The following CEACAM20 variants were observed in gnomAD, a reference collection of about 807,000 sequenced individuals.
CEACAM20 encodes the protein CEA cell adhesion molecule 20.
Under a neutral mutation model 61.2 loss-of-function variants are expected in CEACAM20, and 50 were observed. That is an observed-to-expected ratio of 0.82 (90% CI 0.65 to 1.03). The LOEUF is 1.03. Among genes scored for constraint, CEACAM20 ranks in the 50% least tolerant of loss-of-function variants. CEACAM20 has a pLI of 0.00. For synonymous variants in CEACAM20, 282 were observed against 287.7 expected, an observed-to-expected ratio of 0.98 and a Z score of 0.20; for missense variants, 683 against 736.4, an observed-to-expected ratio of 0.93 and a Z score of 0.84.
Position 44,523,966 on chromosome 19 carries a change from G to A in CEACAM20, c.472+20C>T, listed in dbSNP as rs1971446145. On this transcript the variant is annotated intron_variant, in intron 3 of 11. Transcript: ENST00000614924. ...AAGTGAGTGTCAGTGAGGGGTTGGA[G>A]AGAATGGAAAGGGACTCACACTTCA... is the stretch of plus-strand genomic sequence containing the variant. 7 of 1,541,044 alleles carry A rather than the reference G, an allele frequency of 4.5e-6. No homozygotes were observed. Among genetic ancestry groups the A allele is most frequent in the Middle Eastern group, 1.7e-4 (1 of 5,802 alleles).
intron 11 of CEACAM20, among the ~76,000 whole-genome samples, chr19:44,508,543 C>A (rs537832430): frequency 4.6e-5 from 7 of 152,150 alleles, no homozygotes; most frequent in Non-Finnish European, 8.8e-5. Flanking sequence ...GTGCCTGCCA[C>A]CATGCCCAGC....
At chr19:44,512,838 C>CCAGG in intron 8 of CEACAM20, 30 bp downstream of exon 8, 2 of 1,587,538 alleles carry the variant, frequency 1.3e-6, no homozygotes, top group Non-Finnish European at 1.7e-6. Flanking sequence ...CACCCCTGCC[C>CCAGG]CAGGCATCAG....
intron 6 of CEACAM20, among the ~76,000 whole-genome samples, chr19:44,516,238 G>A (rs1174556448): frequency 1.3e-5 from 2 of 152,112 alleles, no homozygotes; most frequent in Non-Finnish European, 1.5e-5. Flanking sequence ...CATCATTTCC[G>A]ATTCCCCATA....
intron 3 of CEACAM20, 87 bp from the exon 4 acceptor site, chr19:44,522,999 T>C (rs905785519): frequency 4.4e-6 from 5 of 1,139,554 alleles, no homozygotes; most frequent in Non-Finnish European, 6.3e-6. Flanking sequence ...ATAAATACTT[T>C]ATTTCCCTCC....
At chr19:44,527,672 A>T (rs149050801) in intron 1 of CEACAM20, among the ~76,000 whole-genome samples, 176 of 152,206 alleles carry the variant, frequency 1.2e-3, no homozygotes, top group Non-Finnish European at 2.0e-3. Flanking sequence ...CTCACTGTGG[A>T]TGCGGCTGAT....
chr19:44,523,026 A>G, intron 3 of CEACAM20, 114 bp from the exon 4 acceptor site: 1 of 905,746 alleles, frequency 1.1e-6, no homozygotes, highest in Non-Finnish European at 1.7e-6. Flanking sequence ...CTCAAAGGCT[A>G]GATCAATTGC....
rs796336983 is a variant in CEACAM20, at chr19:44,526,891, C to A, written c.53-1647G>T. Among the ~76,000 whole-genome samples, 683 of 144,150 alleles carry A rather than the reference C, an allele frequency of 4.7e-3. 3 individuals are homozygous for A. Among genetic ancestry groups the A allele is most frequent in the African/African-American group, 0.013 (500 of 37,890 alleles). 94.6% of individuals were successfully genotyped at this position (144,150 alleles called of 152,430 possible). A position where few individuals can be genotyped will look rare whatever the true frequency, so the allele number is the denominator to read the frequency against. ...CTTGTCTCAAAAACAAACAAACAAA[C>A]AAAAAAAAAACACGAGACTTTGCTG... On this transcript the variant is annotated intron_variant, in intron 1 of 11. Transcript: ENST00000614924.
At chr19:44,527,321 G>A (rs1331413424) in intron 1 of CEACAM20, among the ~76,000 whole-genome samples, 1 of 152,180 alleles carries the variant, frequency 6.6e-6, no homozygotes, top group African/African-American at 2.4e-5. Flanking sequence ...TCTTGTGTCT[G>A]TGGTTTCTCT....
At position 44,520,610 on chromosome 19, in the gene CEACAM20, C is replaced by T; in HGVS notation, c.894G>A (p.Glu298=). 1 of 1,613,990 alleles carries T rather than the reference C, an allele frequency of 6.2e-7. No homozygotes were observed. The highest frequency in any genetic ancestry group is 1.1e-5 in the South Asian group (1 of 91,078). Residue 298 remains glutamate, a synonymous_variant, in exon 5 of 12, where the codon GAG becomes GAA. Coordinates refer to ENST00000614924, the MANE Select transcript of CEACAM20 (RefSeq NM_001102597.3). ...FLSGQPLLPS[E]HLQLSADNRT... ...TGTTGTCAGCTGACAGCTGCAGGTG[C>T]TCACTGGGCAGGAGGGGCTGGCCAC...
At chr19:44,514,466 T>G (rs922461501) in intron 6 of CEACAM20, among the ~76,000 whole-genome samples, 1 of 151,610 alleles carries the variant, frequency 6.6e-6, no homozygotes, top group African/African-American at 2.4e-5. Flanking sequence ...TTTTTTTTTT[T>G]GAGATGGAGT....
At chr19:44,522,517 A>T in intron 4 of CEACAM20, 117 bp downstream of exon 4, 1 of 1,087,806 alleles carries the variant, frequency 9.2e-7, no homozygotes, top group Non-Finnish European at 1.3e-6. Context: ...TCATGCAGGG[A>T]TTTCTCCCTC....
At chr19:44,510,607 A>G (rs1970960890) in intron 11 of CEACAM20, among the ~76,000 whole-genome samples, 3,130 of 69,156 alleles carry the variant, frequency 0.045, 173 homozygotes, top group African/African-American at 0.14. Context: ...AAAGAAAGAA[A>G]GAAAAAGGAA....
intron 1 of CEACAM20, 64 bp downstream of exon 1, chr19:44,529,387 CACACACA>C: frequency 7.7e-7 from 1 of 1,305,026 alleles, no homozygotes; most frequent in South Asian, 1.2e-5. Context: ...CACACACACA[CACACACA>C]CCGCTGACAA....
chr19:44,522,480 C>T (rs951682165), intron 4 of CEACAM20, among the ~76,000 whole-genome samples, 154 bp downstream of exon 4: 1 of 152,102 alleles, frequency 6.6e-6, no homozygotes, highest in African/African-American at 2.4e-5. Flanking sequence ...TAGAACACAG[C>T]GCAAACATTT....
intron 5 of CEACAM20, 132 bp from the exon 6 acceptor site, chr19:44,517,356 A>T (rs1030200751): frequency 1.7e-6 from 2 of 1,157,590 alleles, no homozygotes; most frequent in South Asian, 3.0e-5. Flanking sequence ...TAGCTCTCTG[A>T]CAAGCAGAGT....
chr19:44,526,381 G>C (rs2357093), intron 1 of CEACAM20, among the ~76,000 whole-genome samples: 2 of 151,620 alleles, frequency 1.3e-5, no homozygotes, highest in Admixed American at 1.3e-4. Context: ...GTGTTGGCCC[G>C]CATCTGTAGT....
intron 11 of CEACAM20, among the ~76,000 whole-genome samples, chr19:44,508,468 C>A (rs572392114): frequency 4.6e-5 from 7 of 152,318 alleles, no homozygotes; most frequent in African/African-American, 1.7e-4. Context: ...CAGCTCACTG[C>A]AACCTCCGCC....
At chr19:44,512,993 CT>C in intron 7 of CEACAM20, 40 bp from the exon 8 acceptor site, 1 of 1,536,370 alleles carries the variant, frequency 6.5e-7, no homozygotes, top group Non-Finnish European at 8.9e-7. Context: ...GCCTCTAGTC[CT>C]TGCCCATCTC....
Position 44,522,862 on chromosome 19 carries a change from C to G in CEACAM20, c.523G>C (p.Glu175Gln), listed in dbSNP as rs779525407. The G allele has an allele frequency of 1.2e-6, 2 of 1,609,430 alleles. No homozygotes were observed. The highest frequency in any genetic ancestry group is 3.4e-5 in the Admixed American group (2 of 59,086). The change falls in exon 4 of 12, where the codon GAG (glutamate) becomes CAG (glutamine). Residue 175 changes from glutamate to glutamine, a missense_variant. By Grantham distance (29) the Glu-to-Gln change is conservative (BLOSUM62 2). Coordinates refer to ENST00000614924, the MANE Select transcript of CEACAM20 (RefSeq NM_001102597.3). The part of the protein sequence containing the change: ...IKLESGVASG[E>Q]VVEVMEGSSM... ...GAGCCCTCCATCACCTCAACCACCT[C>G]CCCACTGGCAACACCAGACTCCAAT...
Sources: gnomAD v4.1 joint callset for allele counts (sites outside exome capture counted in the v4.1 genomes callset) on GRCh38, gnomAD v4.1.1 for gene constraint, MANE v1.5 for transcripts, NCBI Gene and HGNC (gene_info 2026-07-23, HGNC 2026-07-21) for gene names.